The following TAB1 variants were observed in gnomAD, a reference collection of about 807,000 sequenced individuals.
The protein encoded by TAB1 is TGF-beta-activated kinase 1 and MAP3K7-binding protein 1.
TAB1 carries 30 observed loss-of-function variants against 54.5 expected under a neutral mutation model. The observed-to-expected ratio is 0.55, with a 90% CI of 0.41 to 0.75. The LOEUF is 0.75. TAB1 is among the 30% of genes least tolerant of loss of function. TAB1 has a pLI of 0.00. For synonymous variants in TAB1, 289 were observed against 286.9 expected (o/e 1.01, Z -0.07); for missense variants, 609 against 683.2 (o/e 0.89, Z 1.21).
Position 39,419,545 on chromosome 22 carries a change from G to A in TAB1, c.691G>A (p.Val231Met), listed in dbSNP as rs980583503. 5.0e-6 allele frequency: 8 copies of A among 1,612,650 alleles called. No homozygotes were observed. Among genetic ancestry groups the A allele is most frequent in the Non-Finnish European group, 5.1e-6 (6 of 1,179,034 alleles). ...CTTGGATGCTGGAAAGATCAAGCAG[G>A]TGGGGATCATCTGTGGGCAGGAGAG... is the stretch of plus-strand genomic sequence containing the variant. ...LGLDAGKIKQ[V>M]GIICGQESTR... The change falls in exon 7 of 11, where the codon GTG (valine) becomes ATG (methionine). Residue 231 changes from valine to methionine, a missense_variant. By Grantham distance (21) the Val-to-Met change is conservative. Coordinates refer to ENST00000216160, the MANE Select transcript of TAB1 (RefSeq NM_006116.3).
chr22:39,423,403 G>A (rs1361858032), intron 8 of TAB1, among the ~76,000 whole-genome samples: 1 of 152,132 alleles, frequency 6.6e-6, no homozygotes, highest in East Asian at 1.9e-4. Context: ...TCAGGAGTTC[G>A]AGACCAGCCT....
At chr22:39,424,364 G>C (rs777799396) in intron 8 of TAB1, among the ~76,000 whole-genome samples, 5 of 151,246 alleles carry the variant, frequency 3.3e-5, no homozygotes, top group African/African-American at 1.2e-4. Flanking sequence ...TGCCCAGACT[G>C]CTGGATTGAA....
At chr22:39,422,676 C>T (rs1278768943) in intron 8 of TAB1, among the ~76,000 whole-genome samples, 5 of 152,098 alleles carry the variant, frequency 3.3e-5, no homozygotes, top group African/African-American at 4.8e-5. Context: ...GGATTACAGG[C>T]GTGAGCCACC....
chr22:39,420,181 G>A (rs750669923), intron 7 of TAB1, among the ~76,000 whole-genome samples: 7 of 152,142 alleles, frequency 4.6e-5, no homozygotes, highest in African/African-American at 7.2e-5. Flanking sequence ...ATCATCACAC[G>A]GCCAAGCCCG....
chr22:39,419,908 T>C (rs1419165282), intron 7 of TAB1, among the ~76,000 whole-genome samples: 1 of 152,134 alleles, frequency 6.6e-6, no homozygotes, highest in Non-Finnish European at 1.5e-5. Context: ...AGAGGTTGGT[T>C]TGGGGCAGGT....
chr22:39,400,481 C>T (rs556809456), intron 1 of TAB1, among the ~76,000 whole-genome samples: 2 of 152,312 alleles, frequency 1.3e-5, no homozygotes, highest in African/African-American at 4.8e-5. Context: ...TCTCCCTCAG[C>T]CTCAGTTTCC....
chr22:39,433,779 G>C, downstream of TAB1: 4 of 985,408 alleles, frequency 4.1e-6, no homozygotes, highest in Non-Finnish European at 4.8e-6. Flanking sequence ...GACATCAAAG[G>C]GAAAAGCACC....
Position 39,415,620 on chromosome 22 carries a change from C to T in TAB1, c.291C>T (p.His97=), listed in dbSNP as rs370831283. The stretch of plus-strand genomic sequence containing the variant: ...TGCTGGGCCAGCTGAATGCCGAGCA[C>T]GCCGAGGCCGATGTGCGGCGTGTGC... ...ELLLGQLNAE[H]AEADVRRVLL... is the part of the protein sequence containing the mutation. Residue 97 remains histidine, a synonymous_variant, in exon 3 of 11, where the codon CAC becomes CAT. Transcript: ENST00000216160. This position sits in a 1 kb window ranked among gnomAD's most constrained non-coding sequence, Gnocchi z 4.9. 2.4e-5 allele frequency: 38 copies of T among 1,612,890 alleles called. No individual in the cohort carries two copies. Among genetic ancestry groups the T allele is most frequent in the East Asian group, 1.1e-4 (5 of 44,888 alleles).
chr22:39,408,604 G>A (rs974764096), intron 1 of TAB1, among the ~76,000 whole-genome samples: 31 of 152,218 alleles, frequency 2.0e-4, no homozygotes, highest in African/African-American at 7.0e-4. Context: ...CTGGGTTCAA[G>A]CAATTCTTCT....
downstream of TAB1, among the ~76,000 whole-genome samples, chr22:39,435,584 G>T (rs759936793): frequency 1.3e-5 from 2 of 152,232 alleles, no homozygotes; most frequent in African/African-American, 2.4e-5. Flanking sequence ...CTGGGAGACA[G>T]TTCAGCTCCG....
downstream of TAB1, chr22:39,432,661 A>T: frequency 1.3e-6 from 1 of 753,530 alleles, no homozygotes; most frequent in Non-Finnish European, 1.6e-6. Flanking sequence ...AGAGAGAGAC[A>T]TGGTGAGTAA....
In TAB1 at chr22:39,430,564, G is replaced by A. The variant is rs921368329; in HGVS notation, c.*342G>A. 2.2e-5 allele frequency: 26 copies of A among 1,188,422 alleles called. No individual in the cohort carries two copies. Among genetic ancestry groups the A allele is most frequent in the African/African-American group, 1.6e-4 (10 of 64,022 alleles). 73.6% of individuals were successfully genotyped at this position (1,188,422 alleles called of 1,614,324 possible). ...AGCCTCCTACAGAGCAGGAAGAGGC[G>A]CCCTGTGAACCCTGAGTGTTGCAGG... On this transcript the variant is annotated 3_prime_UTR_variant, in exon 11 of 11. Transcript: ENST00000216160.
chr22:39,405,923 G>T (rs868484663), intron 1 of TAB1, among the ~76,000 whole-genome samples: 1 of 152,112 alleles, frequency 6.6e-6, no homozygotes, highest in Non-Finnish European at 1.5e-5. Flanking sequence ...TCTGGCGAGC[G>T]CCCGAATTAC....
intron 8 of TAB1, among the ~76,000 whole-genome samples, chr22:39,424,905 A>G (rs1927254093): frequency 6.6e-6 from 1 of 151,930 alleles, no homozygotes; most frequent in South Asian, 2.1e-4. Flanking sequence ...TAGTGTTGAA[A>G]CTGAGCCCAC....
chr22:39,417,303 C>T (rs932359767), intron 4 of TAB1, among the ~76,000 whole-genome samples: 14 of 152,206 alleles, frequency 9.2e-5, no homozygotes, highest in African/African-American at 2.9e-4. Context: ...GTCTGTCCCC[C>T]GGGCCCTCGG....
At chr22:39,433,572 C>G (rs993752247), downstream of TAB1, 14 of 985,324 alleles carry the variant, frequency 1.4e-5, no homozygotes, top group Non-Finnish European at 1.7e-5. Flanking sequence ...CTGAGGGCGC[C>G]GCAGCACCCG....
chr22:39,400,905 C>T (rs1015549482), intron 1 of TAB1, among the ~76,000 whole-genome samples: 1 of 151,742 alleles, frequency 6.6e-6, no homozygotes, highest in Non-Finnish European at 1.5e-5. Flanking sequence ...GTGGTGGGGG[C>T]GCCTGTAGTC....
downstream of TAB1, chr22:39,433,620 G>A (rs1806066077): frequency 2.0e-6 from 2 of 985,424 alleles, no homozygotes; most frequent in Non-Finnish European, 2.4e-6. Context: ...GTCCTGGTCT[G>A]GTCGTCTCAT....
chr22:39,433,474 A>G (rs544818265), downstream of TAB1: 18 of 983,250 alleles, frequency 1.8e-5, no homozygotes, highest in Admixed American at 1.2e-4. Context: ...AAAAGACATC[A>G]GTCTCTCCCA....
Sources: gnomAD v4.1 joint callset for allele counts (sites outside exome capture counted in the v4.1 genomes callset) on GRCh38, gnomAD v4.1.1 for gene constraint, Gnocchi (gnomAD v3.1) non-coding constraint, MANE v1.5 for transcripts, NCBI Gene and HGNC (gene_info 2026-07-23, HGNC 2026-07-21) for gene names.